The following ANO3 variants were observed in gnomAD, a reference collection of about 807,000 sequenced individuals.
ANO3 encodes the protein anoctamin-3.
In ANO3, 99 loss-of-function variants were observed where a neutral mutation model predicts 144.8. The observed-to-expected ratio is 0.68, with a 90% CI of 0.58 to 0.81. ANO3 has a LOEUF of 0.81. ANO3 is among the 30% of genes least tolerant of loss of function. The pLI is 0.00. For synonymous variants in ANO3, 414 were observed against 392.6 expected (o/e 1.05, Z -0.64); for missense variants, 905 against 1,202.2 (o/e 0.75, Z 3.66).
At chr11:26,651,492 T>C (rs965891588) in intron 24 of ANO3, among the ~76,000 whole-genome samples, 12 of 152,196 alleles carry the variant, frequency 7.9e-5, no homozygotes, top group African/African-American at 2.4e-4. Flanking sequence ...CGTCTTCTGT[T>C]AAAACAGGCA....
At chr11:26,372,450 C>T (rs542543924) in intron 1 of ANO3, among the ~76,000 whole-genome samples, 1 of 152,244 alleles carries the variant, frequency 6.6e-6, no homozygotes, top group African/African-American at 2.4e-5. Flanking sequence ...AAAGTCAGAC[C>T]TATGTAAATT....
intron 1 of ANO3, among the ~76,000 whole-genome samples, chr11:26,291,719 G>T (rs1853962791): frequency 6.6e-6 from 1 of 152,202 alleles, no homozygotes; most frequent in East Asian, 1.9e-4. Context: ...TTTTCTTTAA[G>T]AATGTTGAAT....
chr11:26,326,456 AT>A (rs907870814), intron 1 of ANO3, among the ~76,000 whole-genome samples: 4 of 152,162 alleles, frequency 2.6e-5, no homozygotes, highest in African/African-American at 9.6e-5. Flanking sequence ...AAAAGGATCA[AT>A]ATTTTTTGCA....
chr11:26,506,221 C>A (rs983135934), intron 4 of ANO3, among the ~76,000 whole-genome samples: 12 of 152,036 alleles, frequency 7.9e-5, no homozygotes, highest in African/African-American at 2.9e-4. Context: ...TTAAACTACT[C>A]AAGCCTCATT....
At chr11:26,559,403 G>C in intron 13 of ANO3, 1 of 212,836 alleles carries the variant, frequency 4.7e-6, no homozygotes, top group Non-Finnish European at 9.3e-6. Flanking sequence ...CTTTCATTAA[G>C]TAGTTTGACA....
At chr11:26,417,692 G>C (rs1184446546) in intron 1 of ANO3, among the ~76,000 whole-genome samples, 1 of 151,048 alleles carries the variant, frequency 6.6e-6, no homozygotes, top group Non-Finnish European at 1.5e-5. Context: ...AATCTGCCTG[G>C]TGAATGTAAA....
chr11:26,639,940 T>A (rs1853091889), intron 21 of ANO3, among the ~76,000 whole-genome samples: 1 of 152,238 alleles, frequency 6.6e-6, no homozygotes, highest in Admixed American at 6.5e-5. Context: ...TTGAATAATT[T>A]CCTGACTATT....
intron 1 of ANO3, among the ~76,000 whole-genome samples, chr11:26,273,900 A>G (rs1458808899): frequency 1.3e-5 from 2 of 152,174 alleles, no homozygotes; most frequent in Non-Finnish European, 2.9e-5. Context: ...TATATACTAT[A>G]TAAAACCTAC....
At chr11:26,463,786 T>C (rs1859501294) in intron 4 of ANO3, among the ~76,000 whole-genome samples, 1 of 151,870 alleles carries the variant, frequency 6.6e-6, no homozygotes, top group African/African-American at 2.4e-5. Context: ...AGTGTTCCCA[T>C]CAGATACCAA....
At chr11:26,438,592 CAAAAAAAAAAAAAAAAGAAA>C (rs770849333) in intron 1 of ANO3, among the ~76,000 whole-genome samples, 1 of 70,308 alleles carries the variant, frequency 1.4e-5, no homozygotes, top group African/African-American at 6.1e-5. Flanking sequence ...ACTAAAAATA[CAAAAAAAAAAAAAAAAGAAA>C]AAAAAAAAAA....
chr11:26,224,975 TTATAAA>T (rs1164449211), intron 1 of ANO3, among the ~76,000 whole-genome samples: 1 of 152,146 alleles, frequency 6.6e-6, no homozygotes, highest in Non-Finnish European at 1.5e-5. Context: ...TGCATTATTA[TTATAAA>T]TATAAAATGG....
chr11:26,491,013 A>G (rs1227007829), intron 4 of ANO3, among the ~76,000 whole-genome samples: 1 of 152,212 alleles, frequency 6.6e-6, no homozygotes, highest in African/African-American at 2.4e-5. Flanking sequence ...TCAGAAAGCA[A>G]TTCTTTTATT....
At chr11:26,586,858 C>T (rs573528165) in intron 14 of ANO3, among the ~76,000 whole-genome samples, 2 of 151,940 alleles carry the variant, frequency 1.3e-5, no homozygotes, top group South Asian at 4.2e-4. Flanking sequence ...CCTGATCCAG[C>T]CAGGAGCCCA....
rs761362881 is a variant in ANO3 at position 26,547,570 on chromosome 11, ATTAAAAATAT to A, written c.1289+23_1289+32del. ...AGTAAGGTAGGCTATTAAGAGACCTATTAAAAATATTTGGCTTGTCTTCTGAATGGGCAAA... is the reference window on the plus strand; with the variant it reads ...AGTAAGGTAGGCTATTAAGAGACCTATTGGCTTGTCTTCTGAATGGGCAAA... On this transcript the variant is annotated intron_variant, in intron 12 of 26. Coordinates refer to ENST00000256737, the MANE Select transcript of ANO3 (RefSeq NM_031418.4). 1.2e-6 allele frequency: 2 copies of A among 1,607,676 alleles called. No individual in the cohort carries two copies. The highest frequency in any genetic ancestry group is 1.7e-6 in the Non-Finnish European group (2 of 1,175,714).
intron 1 of ANO3, among the ~76,000 whole-genome samples, chr11:26,377,605 A>G (rs58872250): frequency 0.14 from 21,850 of 152,132 alleles, 1,696 homozygotes; most frequent in South Asian, 0.27. Context: ...GAAATCTGGA[A>G]AAAGAAAAAT....
chr11:26,216,430 A>G (rs766478366), intron 1 of ANO3, among the ~76,000 whole-genome samples: 2 of 151,960 alleles, frequency 1.3e-5, no homozygotes, highest in Non-Finnish European at 2.9e-5. Context: ...AGGTTTATCC[A>G]TGTCTTTTTG....
intron 8 of ANO3, 102 bp downstream of exon 8, chr11:26,531,438 G>A (rs527319953): frequency 3.4e-4 from 448 of 1,312,748 alleles, no homozygotes; most frequent in Non-Finnish European, 4.3e-4. Context: ...TACCAAATAC[G>A]TCAGAGAACT....
Position 26,452,249 on chromosome 11 carries a change from C to G in ANO3, c.313+8413C>G, listed in dbSNP as rs908313210. 5.4e-4 allele frequency among the ~76,000 whole-genome samples: 82 copies of G among 152,324 alleles called. 1 individual carries two copies. The Middle Eastern group carries it at 0.017, about 32-fold the overall frequency. ...CTGGACGGAGAATGACTTTGACGAGCTGAGAGAAGAAGGCTTCAGATGATC... is the reference window on the plus strand; with the variant it reads ...CTGGACGGAGAATGACTTTGACGAGGTGAGAGAAGAAGGCTTCAGATGATC... On this transcript the variant is annotated intron_variant, in intron 3 of 26. Coordinates refer to ENST00000256737, the MANE Select transcript of ANO3 (RefSeq NM_031418.4).
intron 17 of ANO3, among the ~76,000 whole-genome samples, chr11:26,607,371 T>G (rs370584158): frequency 1.3e-5 from 2 of 152,186 alleles, no homozygotes; most frequent in African/African-American, 4.8e-5. Context: ...CCTGTCTTGC[T>G]AAGTTGGGGA....
Sources: allele counts gnomAD v4.1 joint callset (sites outside exome capture counted in the v4.1 genomes callset), GRCh38; gene constraint gnomAD v4.1.1; transcripts MANE v1.5; gene names NCBI Gene and HGNC (gene_info 2026-07-23, HGNC 2026-07-21).